The following CACNG6 variants were observed in gnomAD, a reference collection of about 807,000 sequenced individuals.
CACNG6 encodes calcium voltage-gated channel auxiliary subunit gamma 6.
Under a neutral mutation model 23.9 loss-of-function variants are expected in CACNG6, and 21 were observed. That is an observed-to-expected ratio of 0.88 (90% confidence interval 0.62 to 1.26). The LOEUF is 1.26. Ranked by LOEUF, CACNG6 falls within the 50% of genes most tolerant of loss-of-function variation. The probability of loss-of-function intolerance (pLI) is 0.00; values close to 1 mark genes in which losing one functional copy is unlikely to be tolerated. For missense variants in CACNG6, 340 were observed against 352.9 expected (o/e 0.96, Z 0.29); for synonymous variants, 182 against 168.9 (o/e 1.08, Z -0.60).
intron 2 of CACNG6, among the ~76,000 whole-genome samples, chr19:53,999,163 G>A (rs1568813389): frequency 6.6e-6 from 1 of 152,160 alleles, no homozygotes; most frequent in African/African-American, 2.4e-5. Flanking sequence ...ACCGCACCTG[G>A]TCCACAGGAG....
chr19:54,004,357 G>T (rs942050425), intron 3 of CACNG6, among the ~76,000 whole-genome samples: 4,134 of 144,020 alleles, frequency 0.029, 304 homozygotes, highest in African/African-American at 0.11. Context: ...GTGTGTGTGT[G>T]TGTGTGTGTG....
chr19:53,998,380 A>G (rs1600055765), intron 2 of CACNG6, 67 bp downstream of exon 2: 2 of 1,412,568 alleles, frequency 1.4e-6, no homozygotes, highest in South Asian at 2.4e-5. Context: ...GAGGAGTTCT[A>G]GAGAGAGTTA....
intron 3 of CACNG6, among the ~76,000 whole-genome samples, chr19:54,006,805 G>A (rs1208765081): frequency 6.6e-6 from 1 of 151,700 alleles, no homozygotes; most frequent in Admixed American, 6.6e-5. Flanking sequence ...AGAGTATTGG[G>A]ACTACAGCCG....
intron 3 of CACNG6, 44 bp downstream of exon 3, chr19:53,999,815 AG>A (rs1387166594): frequency 6.2e-7 from 1 of 1,603,958 alleles, no homozygotes; most frequent in Non-Finnish European, 8.5e-7. Flanking sequence ...GCATGCTGGG[AG>A]GATCTCCAGG....
chr19:54,006,091 A>AAAATAAATAAATAAATAAATAAATAAAT (rs71193802), intron 3 of CACNG6, among the ~76,000 whole-genome samples: 65 of 140,588 alleles, frequency 4.6e-4, no homozygotes, highest in East Asian at 1.1e-3. Context: ...CTCTGTTTCA[A>AAAATAAATAAATAAATAAATAAATAAAT]AAATAAATAA....
chr19:54,007,211 G>A (rs575325331), intron 3 of CACNG6, among the ~76,000 whole-genome samples: 75 of 152,104 alleles, frequency 4.9e-4, no homozygotes, highest in Admixed American at 7.9e-4. Context: ...ACCACGCCTG[G>A]CTAACTTTTG....
rs772846554 is a variant in CACNG6, at chr19:53,992,829, C to A, written c.-49C>A. On this transcript the variant is annotated 5_prime_UTR_variant, in exon 1 of 4. Coordinates refer to ENST00000252729, the MANE Select transcript of CACNG6 (RefSeq NM_145814.2). The surrounding 1 kb of genome is among the most constrained non-coding windows in gnomAD (Gnocchi z 4.1). ...GCTCCTCGCTCCCGCCCCTCGAGGCCCTTCGCCGGCTCTGCCTCCTCCCCC... is the reference window on the plus strand; with the variant it reads ...GCTCCTCGCTCCCGCCCCTCGAGGCACTTCGCCGGCTCTGCCTCCTCCCCC... 5 of 1,311,258 alleles carry A rather than the reference C, an allele frequency of 3.8e-6. No individual in the cohort carries two copies. The highest frequency in any genetic ancestry group is 4.0e-6 in the Non-Finnish European group (4 of 1,008,434). 81.2% of individuals were successfully genotyped at this position (1,311,258 alleles called of 1,614,324 possible). A position where few individuals can be genotyped will look rare whatever the true frequency, so the allele number is the denominator to read the frequency against.
chr19:54,003,491 G>A (rs287134), intron 3 of CACNG6, among the ~76,000 whole-genome samples: 7,012 of 152,132 alleles, frequency 0.046, 504 homozygotes, highest in African/African-American at 0.16. Context: ...CTCGGAAGTA[G>A]CTGGGATTAC....
intron 3 of CACNG6, 31 bp downstream of exon 3, chr19:53,999,802 A>G: frequency 1.2e-6 from 2 of 1,609,808 alleles, no homozygotes; most frequent in South Asian, 1.1e-5. Flanking sequence ...GGCTGAGGAC[A>G]TTGCATGCTG....
chr19:54,005,271 G>A (rs1327745472), intron 3 of CACNG6, among the ~76,000 whole-genome samples: 4 of 127,312 alleles, frequency 3.1e-5, no homozygotes, highest in Non-Finnish European at 5.1e-5. Flanking sequence ...GAAAGAGCAC[G>A]TGAGAGAAAC....
chr19:54,011,227 T>TATATATACACACACACACACAC (rs1442985544), intron 3 of CACNG6, among the ~76,000 whole-genome samples: 1 of 95,292 alleles, frequency 1.0e-5, no homozygotes, highest in African/African-American at 5.8e-5. Flanking sequence ...TATATATATA[T>TATATATACACACACACACACAC]ACACACACAC....
chr19:54,005,630 G>A (rs1263927724), intron 3 of CACNG6, among the ~76,000 whole-genome samples: 1 of 151,720 alleles, frequency 6.6e-6, no homozygotes, highest in Non-Finnish European at 1.5e-5. Context: ...GGTGATGCCT[G>A]TAGTCCCAGC....
intron 3 of CACNG6, among the ~76,000 whole-genome samples, chr19:54,006,662 T>C (rs1161668552): frequency 2.1e-4 from 31 of 150,832 alleles, no homozygotes; most frequent in Non-Finnish European, 5.9e-5. Context: ...GCCTCCCGAG[T>C]AGCTGGGATT....
intron 3 of CACNG6, among the ~76,000 whole-genome samples, chr19:54,011,205 A>AAAAAAAAAAAAAAAAT: frequency 9.8e-6 from 1 of 102,506 alleles, no homozygotes; most frequent in East Asian, 2.8e-4. Context: ...AAAAAAAAAA[A>AAAAAAAAAAAAAAAAT]ATATATATAT....
intron 3 of CACNG6, among the ~76,000 whole-genome samples, chr19:54,011,717 C>T (rs1379754603): frequency 6.6e-6 from 1 of 151,754 alleles, no homozygotes; most frequent in Non-Finnish European, 1.5e-5. Flanking sequence ...CTCCGGCCCT[C>T]GGCAACCATC....
chr19:53,996,358 C>T (rs536041605), intron 1 of CACNG6, among the ~76,000 whole-genome samples: 1 of 151,612 alleles, frequency 6.6e-6, no homozygotes, highest in Admixed American at 6.6e-5. Flanking sequence ...TCCCTTTCTT[C>T]CTTTTTCTGT....
intron 2 of CACNG6, among the ~76,000 whole-genome samples, chr19:53,998,940 G>A (rs2069548820): frequency 6.6e-6 from 1 of 152,196 alleles, no homozygotes; most frequent in South Asian, 2.1e-4. Context: ...TGACCACAGT[G>A]CTGGGCACTC....
At chr19:54,002,484 C>T (rs1444015260) in intron 3 of CACNG6, among the ~76,000 whole-genome samples, 49 of 141,504 alleles carry the variant, frequency 3.5e-4, no homozygotes, top group African/African-American at 1.2e-3. Context: ...TCTATTTCTC[C>T]TTTTTTTTTT....
At position 53,992,915 on chromosome 19, in the gene CACNG6, G is replaced by A. The variant is rs1434492187; in HGVS notation, c.38G>A (p.Arg13Gln). The A allele has an allele frequency of 7.1e-7, 1 of 1,402,538 alleles. No homozygotes were observed. The highest frequency in any genetic ancestry group is 9.3e-7 in the Non-Finnish European group (1 of 1,080,510). 86.9% of individuals were successfully genotyped at this position (1,402,538 alleles called of 1,614,324 possible). A position where few individuals can be genotyped will look rare whatever the true frequency, so the allele number is the denominator to read the frequency against. The part of the protein sequence containing the change: ...WSNFFLQEEN[R>Q]RRGAAGRRRA... ...AACTTCTTCCTGCAAGAGGAGAACCGGCGGCGGGGGGCCGCGGGCCGGCGG... is the reference window on the plus strand; with the variant it reads ...AACTTCTTCCTGCAAGAGGAGAACCAGCGGCGGGGGGCCGCGGGCCGGCGG... The change falls in exon 1 of 4, where the codon CGG becomes CAG. Residue 13 changes from arginine (R) to glutamine (Q), a missense_variant. Physicochemically the swap from Arg to Gln is conservative, Grantham distance 43. Coordinates refer to ENST00000252729, the MANE Select transcript of CACNG6 (RefSeq NM_145814.2). This position sits in a 1 kb window ranked among gnomAD's most constrained non-coding sequence, Gnocchi z 4.1.
Sources: allele counts gnomAD v4.1 joint callset (sites outside exome capture counted in the v4.1 genomes callset), GRCh38; gene constraint gnomAD v4.1.1; non-coding constraint Gnocchi (gnomAD v3.1); transcripts MANE v1.5; gene names NCBI Gene and HGNC (gene_info 2026-07-23, HGNC 2026-07-21).